The following UNC79 variants were observed in gnomAD, a reference collection of about 807,000 sequenced individuals.
UNC79 encodes unc-79 subunit of NALCN channel complex.
In UNC79, 37 loss-of-function variants were observed where a neutral mutation model predicts 283.1. That is an observed-to-expected ratio of 0.13 (90% CI 0.10 to 0.17). The LOEUF (loss-of-function observed/expected upper bound fraction) is 0.17, where lower values mean the gene tolerates loss of function less well. Ranked by LOEUF, UNC79 falls within the 10% of genes least tolerant of loss-of-function variation. The pLI is 1.00. For missense variants in UNC79, 2,272 were observed against 3,211.1 expected, an observed-to-expected ratio of 0.71 and a Z score of 7.07; for synonymous variants, 1,107 against 1,200.2, an observed-to-expected ratio of 0.92 and a Z score of 1.61.
At chr14:93,370,993 T>C (rs946782195) in intron 1 of UNC79, among the ~76,000 whole-genome samples, 2 of 152,104 alleles carry the variant, frequency 1.3e-5, no homozygotes, top group Admixed American at 6.5e-5. Context: ...CCTAAATTAA[T>C]GTCAAACACC....
chr14:93,564,184 A>C (rs754436576), intron 14 of UNC79, among the ~76,000 whole-genome samples: 1 of 152,206 alleles, frequency 6.6e-6, no homozygotes, highest in Non-Finnish European at 1.5e-5. Flanking sequence ...GGGTGGGAGC[A>C]GTCTCTAAAG....
chr14:93,378,305 G>A, intron 1 of UNC79, among the ~76,000 whole-genome samples: 1 of 152,158 alleles, frequency 6.6e-6, no homozygotes, highest in East Asian at 1.9e-4. Context: ...CATTCTCACT[G>A]TATCTTTAGG....
At position 93,657,215 on chromosome 14, in the gene UNC79, A is replaced by C. The variant is rs2071040394; in HGVS notation, c.6456+1808A>C. On this transcript the variant is annotated intron_variant, in intron 38 of 48. Coordinates refer to ENST00000555664, the Ensembl canonical transcript of UNC79. ...TTTGAAACTGTGTATGTGTATAGCT[A>C]CTGTACATCAACACACAGGAAACTG... Among the ~76,000 whole-genome samples, 3 of 152,332 alleles carry C rather than the reference A, an allele frequency of 2.0e-5. No homozygotes were observed. In the South Asian group the frequency reaches 6.2e-4, roughly 32 times the overall value.
intron 1 of UNC79, among the ~76,000 whole-genome samples, chr14:93,422,141 C>A (rs1303104993): frequency 6.6e-6 from 1 of 151,702 alleles, no homozygotes; most frequent in Non-Finnish European, 1.5e-5. Context: ...TGCTTTTATA[C>A]CTTTTAGGGA....
chr14:93,420,737 A>T (rs2055578436), intron 1 of UNC79, among the ~76,000 whole-genome samples: 2 of 151,838 alleles, frequency 1.3e-5, no homozygotes, highest in Non-Finnish European at 2.9e-5. Context: ...CATCAAAAAA[A>T]TTAAAATAAT....
intron 1 of UNC79, among the ~76,000 whole-genome samples, chr14:93,452,373 T>A (rs1722414741): frequency 7.5e-6 from 1 of 133,470 alleles, no homozygotes; most frequent in African/African-American, 2.8e-5. Flanking sequence ...CTGGACTGCA[T>A]GATTTTTTTT....
chr14:93,592,618 C>T (rs1314959486), intron 22 of UNC79, among the ~76,000 whole-genome samples: 1 of 152,060 alleles, frequency 6.6e-6, no homozygotes, highest in African/African-American at 2.4e-5. Flanking sequence ...ACAGTTCAAA[C>T]CTGTGTTGTT....
intron 1 of UNC79, among the ~76,000 whole-genome samples, chr14:93,448,360 C>A (rs1184955322): frequency 2.6e-5 from 4 of 152,042 alleles, no homozygotes; most frequent in Admixed American, 2.6e-4. Context: ...GTTCTTCTTG[C>A]ATGATTTTTT....
chr14:93,382,107 G>C (rs2054676393), intron 1 of UNC79, among the ~76,000 whole-genome samples: 1 of 152,154 alleles, frequency 6.6e-6, no homozygotes, highest in Admixed American at 6.5e-5. Context: ...GTCTGTATCT[G>C]TATCTATTTA....
In UNC79 at chr14:93,400,796, G is replaced by A. The variant is rs547492327; in HGVS notation, c.-350-66875G>A. On this transcript the variant is annotated intron_variant, in intron 1 of 49. Coordinates refer to the UNC79 transcript ENST00000256339. ...ATCATGGAAGGGATTTCAATGATTCGGATGTGAGATCAAGAAGAAATGAAT... is the reference window on the plus strand; with the variant it reads ...ATCATGGAAGGGATTTCAATGATTCAGATGTGAGATCAAGAAGAAATGAAT... Among the ~76,000 whole-genome samples the A allele has an allele frequency of 5.3e-5, 8 of 152,244 alleles. No individual in the cohort carries two copies. In the South Asian group the frequency reaches 1.2e-3, roughly 24 times the overall value.
intron 1 of UNC79, among the ~76,000 whole-genome samples, chr14:93,349,117 G>T (rs552386992): frequency 6.6e-6 from 1 of 152,218 alleles, no homozygotes; most frequent in South Asian, 2.1e-4. Flanking sequence ...GGACACATTT[G>T]AACATCTGAA....
chr14:93,454,454 G>C (rs1437886283), intron 1 of UNC79, among the ~76,000 whole-genome samples: 1 of 152,168 alleles, frequency 6.6e-6, no homozygotes, highest in Non-Finnish European at 1.5e-5. Context: ...TACATAATTA[G>C]TGTGCTAAAA....
At chr14:93,564,687 T>G (rs2062769282) in intron 14 of UNC79, among the ~76,000 whole-genome samples, 1 of 151,698 alleles carries the variant, frequency 6.6e-6, no homozygotes, top group Non-Finnish European at 1.5e-5. Flanking sequence ...CGAAGGGAGA[T>G]AGGGGTGGGG....
At chr14:93,361,848 T>C (rs2054234060) in intron 1 of UNC79, among the ~76,000 whole-genome samples, 1 of 152,196 alleles carries the variant, frequency 6.6e-6, no homozygotes, top group Admixed American at 6.5e-5. Context: ...TTGGCTGTAA[T>C]TATTTTGAGG....
chr14:93,557,548 T>A (rs1390655542), intron 14 of UNC79, among the ~76,000 whole-genome samples: 1 of 152,068 alleles, frequency 6.6e-6, no homozygotes, highest in African/African-American at 2.4e-5. Flanking sequence ...AGATGTAGAA[T>A]CGCCTCCTAG....
Position 93,425,315 on chromosome 14 carries a change from C to T in UNC79, c.-350-42356C>T, listed in dbSNP as rs558105196. On this transcript the variant is annotated intron_variant, in intron 1 of 49. Transcript: ENST00000256339. ...ACAGCAGCATGGGAGTAACCGCCCC[C>T]ATGACTGAATTACCTCCCACTGGAT... Among the ~76,000 whole-genome samples, 14 of 152,268 alleles carry T rather than the reference C, an allele frequency of 9.2e-5. No individual in the cohort carries two copies. The South Asian group carries it at 2.7e-3, about 29-fold the overall frequency.
At position 93,602,744 on chromosome 14, in the gene UNC79, A is replaced by G. The variant is rs145033981; in HGVS notation, c.3575-495A>G. Among the ~76,000 whole-genome samples the G allele has an allele frequency of 4.3e-3, 661 of 152,312 alleles. 4 individuals are homozygous for G. Among genetic ancestry groups the G allele is most frequent in the African/African-American group, 0.015 (621 of 41,568 alleles). ...CAACCTCCAACTCTTGGGCTCAAGC[A>G]GTCCTCCCAGCTAATCTTCCTGAGT... On this transcript the variant is annotated intron_variant, in intron 25 of 48. Coordinates refer to ENST00000555664, the Ensembl canonical transcript of UNC79.
intron 1 of UNC79, among the ~76,000 whole-genome samples, chr14:93,454,380 T>C (rs1209772700): frequency 6.6e-6 from 1 of 152,196 alleles, no homozygotes; most frequent in African/African-American, 2.4e-5. Flanking sequence ...TAGGTCTTAC[T>C]AATTCATGTA....
intron 1 of UNC79, among the ~76,000 whole-genome samples, chr14:93,382,142 G>A (rs2054677462): frequency 6.6e-6 from 1 of 152,118 alleles, no homozygotes; most frequent in South Asian, 2.1e-4. Context: ...ATAATACAAG[G>A]TATGTAATAG....
Sources: allele counts gnomAD v4.1 joint callset (sites outside exome capture counted in the v4.1 genomes callset), GRCh38; gene constraint gnomAD v4.1.1; transcripts MANE v1.5; gene names NCBI Gene and HGNC (gene_info 2026-07-23, HGNC 2026-07-21).